The following SYTL3 variants were observed in gnomAD, a reference collection of about 807,000 sequenced individuals.
The protein encoded by SYTL3 is synaptotagmin like 3.
SYTL3 carries 88 observed loss-of-function variants against 82.1 expected under a neutral mutation model. The observed-to-expected ratio is 1.07, with a 90% CI of 0.90 to 1.28. SYTL3 has a LOEUF of 1.28. Ranked by LOEUF, SYTL3 falls within the 50% of genes most tolerant of loss-of-function variation. SYTL3 has a pLI of 0.00. For synonymous variants in SYTL3, 311 were observed against 289.4 expected (o/e 1.07, Z -0.76); for missense variants, 831 against 757.6 (o/e 1.10, Z -1.14).
At chr6:158,685,314 A>T (rs1260751054) in intron 6 of SYTL3, among the ~76,000 whole-genome samples, 1 of 151,294 alleles carries the variant, frequency 6.6e-6, no homozygotes, top group South Asian at 2.1e-4. Flanking sequence ...CCTGGGTTCA[A>T]GGGATTCTCC....
intron 14 of SYTL3, among the ~76,000 whole-genome samples, chr6:158,759,460 A>T (rs1789611195): frequency 6.6e-6 from 1 of 152,224 alleles, no homozygotes; most frequent in African/African-American, 2.4e-5. Context: ...CAGTGCTGGC[A>T]GGAGCCATGG....
intron 11 of SYTL3, among the ~76,000 whole-genome samples, chr6:158,734,314 A>G (rs944009323): frequency 2.6e-5 from 4 of 152,052 alleles, no homozygotes; most frequent in Non-Finnish European, 5.9e-5. Context: ...GGGTCCCACT[A>G]GATTGGAGTC....
At chr6:158,759,065 C>G (rs895297954) in intron 14 of SYTL3, among the ~76,000 whole-genome samples, 1 of 152,222 alleles carries the variant, frequency 6.6e-6, no homozygotes, top group Non-Finnish European at 1.5e-5. Context: ...CTGAATCCCC[C>G]GTGCACCCTG....
intron 14 of SYTL3, 71 bp from the exon 15 acceptor site, chr6:158,760,569 C>T (rs986690029): frequency 1.3e-4 from 173 of 1,374,480 alleles, no homozygotes; most frequent in Non-Finnish European, 1.5e-4. Context: ...GAAGCTGAGA[C>T]AACCAGAGGA....
At position 158,665,524 on chromosome 6, in the gene SYTL3, C is replaced by T. The variant is rs764877060; in HGVS notation, c.240C>T (p.Cys80=). The T allele has an allele frequency of 1.1e-5, 17 of 1,592,062 alleles. No homozygotes were observed. The highest frequency in any genetic ancestry group is 1.4e-5 in the Non-Finnish European group (16 of 1,170,046). Residue 80 remains cysteine, a synonymous_variant, in exon 5 of 18, where the codon TGC becomes TGT. Transcript: ENST00000611299. ...LGFLLHRGAV[C]RGCSHRVCAQ... is the part of the protein sequence containing the mutation. ...TCCTGCTGCACCGGGGCGCCGTGTG[C>T]CGGGGCTGCAGCCACCGCGTGTGTG...
intron 9 of SYTL3, among the ~76,000 whole-genome samples, chr6:158,716,307 A>C (rs1222446692): frequency 6.6e-6 from 1 of 152,204 alleles, no homozygotes; most frequent in Admixed American, 6.5e-5. Flanking sequence ...TTTCTCAAGA[A>C]GGCTTGTCCT....
chr6:158,657,252 C>G (rs762425930), intron 2 of SYTL3, among the ~76,000 whole-genome samples: 2 of 151,744 alleles, frequency 1.3e-5, no homozygotes, highest in African/African-American at 4.8e-5. Flanking sequence ...ATGGTGAAAC[C>G]CTTTCTCTAC....
intron 6 of SYTL3, among the ~76,000 whole-genome samples, chr6:158,683,438 C>T (rs1778955818): frequency 6.6e-6 from 1 of 152,118 alleles, no homozygotes; most frequent in Non-Finnish European, 1.5e-5. Context: ...CCAGGATGGT[C>T]TCGATCTCCT....
chr6:158,752,074 CG>C, intron 13 of SYTL3, 44 bp downstream of exon 13: 1 of 1,440,888 alleles, frequency 6.9e-7, no homozygotes. Context: ...CTCCCGAGCC[CG>C]GGTGGAGCGC....
chr6:158,761,460 G>T (rs1224263301), intron 15 of SYTL3, among the ~76,000 whole-genome samples: 1 of 151,798 alleles, frequency 6.6e-6, no homozygotes, highest in Non-Finnish European at 1.5e-5. Flanking sequence ...CTGCCACCAT[G>T]CCCGGCTAAT....
intron 5 of SYTL3, among the ~76,000 whole-genome samples, chr6:158,666,020 A>T (rs1790008266): frequency 6.6e-6 from 1 of 151,970 alleles, no homozygotes; most frequent in Non-Finnish European, 1.5e-5. Context: ...CTGAGATGAG[A>T]GGATCATTTG....
At chr6:158,665,027 C>T in intron 4 of SYTL3, among the ~76,000 whole-genome samples, 1 of 152,178 alleles carries the variant, frequency 6.6e-6, no homozygotes, top group Non-Finnish European at 1.5e-5. Flanking sequence ...AATGGATGCT[C>T]CTTTCAGTGT....
At chr6:158,666,995 AAAT>A (rs1456677869) in intron 5 of SYTL3, among the ~76,000 whole-genome samples, 5 of 152,190 alleles carry the variant, frequency 3.3e-5, no homozygotes, top group African/African-American at 1.2e-4. Flanking sequence ...TGAGAGCAAA[AAAT>A]AATTACTGTG....
At chr6:158,732,162 A>G (rs1785489193) in intron 11 of SYTL3, among the ~76,000 whole-genome samples, 1 of 152,196 alleles carries the variant, frequency 6.6e-6, no homozygotes, top group Admixed American at 6.5e-5. Flanking sequence ...ATACAACACT[A>G]AAGGTTTAAA....
rs746515524 is a variant in SYTL3, at chr6:158,764,861, T to C, written c.*257T>C. The C allele has an allele frequency of 2.6e-6, 1 of 386,626 alleles. No homozygotes were observed. Among genetic ancestry groups the C allele is most frequent in the Non-Finnish European group, 4.7e-6 (1 of 212,668 alleles). The allele number at this position is 386,626 out of a possible 1,614,324, so 23.9% of individuals were successfully genotyped here. On this transcript the variant is annotated 3_prime_UTR_variant, in exon 18 of 18. Coordinates refer to ENST00000611299, the MANE Select transcript of SYTL3 (RefSeq NM_001242394.2). ...AATGGCCAGATTTTAATAAACGTTG[T>C]TACCCATGTCCTCCAGTGCTTATCA...
At chr6:158,654,673 A>G (rs147376895) in intron 2 of SYTL3, among the ~76,000 whole-genome samples, 1 of 152,200 alleles carries the variant, frequency 6.6e-6, no homozygotes, top group Admixed American at 6.5e-5. Flanking sequence ...CCTGTGAAGC[A>G]GGGATGGCTC....
intron 12 of SYTL3, among the ~76,000 whole-genome samples, chr6:158,748,088 TC>T (rs34343664): frequency 0.31 from 42,070 of 135,974 alleles, 7,945 homozygotes; most frequent in African/African-American, 0.56. Context: ...TTTTTTTTTT[TC>T]CCCACACTTA....
chr6:158,739,831 C>T (rs890022329), intron 11 of SYTL3, among the ~76,000 whole-genome samples: 2 of 152,026 alleles, frequency 1.3e-5, no homozygotes, highest in African/African-American at 4.8e-5. Flanking sequence ...GTCTCTTATA[C>T]TCTTTATTTT....
chr6:158,734,696 G>A (rs957816663), intron 11 of SYTL3, among the ~76,000 whole-genome samples: 4 of 152,090 alleles, frequency 2.6e-5, no homozygotes, highest in Admixed American at 2.0e-4. Flanking sequence ...ACCCCGACAT[G>A]CTATAGAGTT....
Sources: allele counts gnomAD v4.1 joint callset (sites outside exome capture counted in the v4.1 genomes callset), GRCh38; gene constraint gnomAD v4.1.1; transcripts MANE v1.5; gene names NCBI Gene and HGNC (gene_info 2026-07-23, HGNC 2026-07-21).